The following SBF2 variants were observed in gnomAD, a reference collection of about 807,000 sequenced individuals.
SBF2 encodes the protein myotubularin-related protein 13.
SBF2 carries 112 observed loss-of-function variants against 225.2 expected under a neutral mutation model. That is an observed-to-expected ratio of 0.50 (90% confidence interval 0.43 to 0.58). SBF2 has a LOEUF of 0.58. SBF2 is among the 20% of genes least tolerant of loss of function. The pLI is 0.00. For synonymous variants in SBF2, 763 were observed against 773.3 expected (o/e 0.99, Z 0.22); for missense variants, 1,996 against 2,206.2 (o/e 0.90, Z 1.91).
At chr11:9,918,612 C>CCACA (rs752108201) in intron 16 of SBF2, among the ~76,000 whole-genome samples, 14 of 152,198 alleles carry the variant, frequency 9.2e-5, no homozygotes, top group Non-Finnish European at 1.6e-4. Context: ...CTCATATGAT[C>CCACA]CACACATCTT....
chr11:10,274,790 T>C (rs1962825106), intron 1 of SBF2, among the ~76,000 whole-genome samples: 1 of 151,822 alleles, frequency 6.6e-6, no homozygotes, highest in Admixed American at 6.6e-5. Context: ...AAAGTTTCTG[T>C]TCAAGTACCT....
intron 28 of SBF2, among the ~76,000 whole-genome samples, chr11:9,826,896 C>T (rs1398009013): frequency 6.6e-6 from 1 of 151,814 alleles, no homozygotes. Context: ...CTCTATGCAA[C>T]CTCTGCCTCC....
At chr11:10,187,319 TCTCTCC>T (rs1956967485) in intron 2 of SBF2, among the ~76,000 whole-genome samples, 1 of 151,896 alleles carries the variant, frequency 6.6e-6, no homozygotes, top group Non-Finnish European at 1.5e-5. Flanking sequence ...TCTCTCTCTC[TCTCTCC>T]CTGCGTCCCC....
chr11:10,172,203 G>T lies in SBF2; in HGVS notation c.141+21699C>A, dbSNP rs567866499. Among the ~76,000 whole-genome samples, 7 of 151,864 alleles carry T rather than the reference G, an allele frequency of 4.6e-5. No individual in the cohort carries two copies. The South Asian group carries it at 1.5e-3, about 32-fold the overall frequency. ...GGTTTGGTTTGCTCTTGCCTTTCTAGTTCTTTAAGATGCATCATTAGGTTG... is the reference window on the plus strand; with the variant it reads ...GGTTTGGTTTGCTCTTGCCTTTCTATTTCTTTAAGATGCATCATTAGGTTG... On this transcript the variant is annotated intron_variant, in intron 2 of 39. Transcript: ENST00000256190.
At chr11:9,996,492 C>T (rs1947708955) in intron 9 of SBF2, among the ~76,000 whole-genome samples, 1 of 152,156 alleles carries the variant, frequency 6.6e-6, no homozygotes, top group South Asian at 2.1e-4. Context: ...CAGGTTCATG[C>T]TATTCTCCTG....
chr11:10,220,950 C>A (rs894324452), intron 1 of SBF2, among the ~76,000 whole-genome samples: 17 of 152,150 alleles, frequency 1.1e-4, no homozygotes, highest in African/African-American at 4.1e-4. Flanking sequence ...ACAGGAATCA[C>A]CTCTTCTAGA....
chr11:10,195,057 T>C (rs1422531552), intron 1 of SBF2, among the ~76,000 whole-genome samples: 1 of 152,240 alleles, frequency 6.6e-6, no homozygotes, highest in Non-Finnish European at 1.5e-5. Flanking sequence ...GGTTAAAGTT[T>C]CTGAGGCTGG....
At chr11:9,917,636 G>GT (rs1460874720) in intron 16 of SBF2, among the ~76,000 whole-genome samples, 3 of 151,186 alleles carry the variant, frequency 2.0e-5, no homozygotes, top group Non-Finnish European at 4.4e-5. Flanking sequence ...CCAGCCACAA[G>GT]TTTTTATTAT....
intron 17 of SBF2, among the ~76,000 whole-genome samples, chr11:9,873,724 TAAAGAA>T (rs773865111): frequency 7.9e-5 from 12 of 152,148 alleles, no homozygotes; most frequent in Non-Finnish European, 1.6e-4. Context: ...TATTAGGATT[TAAAGAA>T]AAGACAAAAG....
intron 6 of SBF2, among the ~76,000 whole-genome samples, chr11:10,022,878 G>A (rs1279884408): frequency 6.6e-6 from 1 of 152,100 alleles, no homozygotes; most frequent in African/African-American, 2.4e-5. Context: ...TCTTGGTGCA[G>A]TTTAATGTGT....
intron 16 of SBF2, among the ~76,000 whole-genome samples, chr11:9,921,192 T>A (rs942967520): frequency 6.8e-6 from 1 of 147,972 alleles, no homozygotes; most frequent in African/African-American, 2.5e-5. Context: ...TGCCTCAGCC[T>A]CCCAAGTAGA....
intron 6 of SBF2, chr11:10,016,881 GC>G (rs1948673879): frequency 6.6e-6 from 1 of 152,090 alleles, no homozygotes; most frequent in African/African-American, 2.4e-5. Flanking sequence ...CAGTTACATA[GC>G]TATTGAGAAA....
chr11:9,837,972 G>C (rs1243514288), intron 26 of SBF2: 3 of 150,686 alleles, frequency 2.0e-5, no homozygotes, highest in Non-Finnish European at 2.9e-5. Context: ...TCTTGACCTC[G>C]TGATCTGCCT....
At chr11:10,086,541 T>C (rs1299077328) in intron 2 of SBF2, among the ~76,000 whole-genome samples, 1 of 152,190 alleles carries the variant, frequency 6.6e-6, no homozygotes, top group African/African-American at 2.4e-5. Context: ...CCCCAAGTTT[T>C]CTAAGCACTA....
At chr11:10,117,647 G>A (rs1953209526) in intron 2 of SBF2, among the ~76,000 whole-genome samples, 1 of 152,032 alleles carries the variant, frequency 6.6e-6, no homozygotes, top group Non-Finnish European at 1.5e-5. Context: ...CAAATTAGGT[G>A]TGATTATTGG....
At chr11:9,958,723 T>C in intron 16 of SBF2, 1 of 390,404 alleles carries the variant, frequency 2.6e-6, no homozygotes, top group Non-Finnish European at 5.2e-6. Flanking sequence ...GCTTGACAGC[T>C]GGAGGTCTAG....
Position 9,793,546 on chromosome 11 carries a change from C to T in SBF2, c.4570+2285G>A, listed in dbSNP as rs562685821. 2.6e-5 allele frequency among the ~76,000 whole-genome samples: 4 copies of T among 152,132 alleles called. No individual in the cohort carries two copies. The South Asian group carries it at 6.2e-4, about 24-fold the overall frequency. On this transcript the variant is annotated intron_variant, in intron 33 of 39. Transcript: ENST00000256190. ...CTGGGATTACAGGCACATGCCACCACGCCTGGCTAATGTTTGTATTTTTAG... is the reference window on the plus strand; with the variant it reads ...CTGGGATTACAGGCACATGCCACCATGCCTGGCTAATGTTTGTATTTTTAG...
At position 9,832,230 on chromosome 11, in the gene SBF2, G is replaced by A; in HGVS notation, c.3646C>T (p.Gln1216Ter). 6.2e-7 allele frequency: 1 copy of A among 1,613,610 alleles called. No individual in the cohort carries two copies. The highest frequency in any genetic ancestry group is 1.3e-5 in the African/African-American group (1 of 75,032). The change falls in exon 27 of 40, where the codon CAG becomes TAG. Residue 1216 changes from glutamine (Q) to a stop codon, truncating the protein, a stop_gained. Coordinates refer to ENST00000256190, the MANE Select transcript of SBF2 (RefSeq NM_030962.4). LOFTEE classifies it high-confidence loss of function. ...GTTATAGAGAGATGCTTACCGGCCT[G>A]AGGGGAGTTCTGAGATTTGAAAAGA... is the stretch of plus-strand genomic sequence containing the variant. Reference protein sequence around the residue: ...VGLFKSQNSPQAAPTSSLESS... With the variant: ...VGLFKSQNSP
intron 1 of SBF2, among the ~76,000 whole-genome samples, chr11:10,194,424 T>C (rs1052773845): frequency 1.3e-5 from 2 of 152,202 alleles, no homozygotes; most frequent in South Asian, 4.1e-4. Context: ...TGAGCATCCA[T>C]GGATTTTAGT....
Sources: gnomAD v4.1 joint callset for allele counts (sites outside exome capture counted in the v4.1 genomes callset) on GRCh38, gnomAD v4.1.1 for gene constraint, MANE v1.5 for transcripts, NCBI Gene and HGNC (gene_info 2026-07-23, HGNC 2026-07-21) for gene names.